SPECC1: variants seen among roughly 807,000 people sequenced by gnomAD.
SPECC1 encodes the protein sperm antigen with calponin homology and coiled-coil domains 1, also known as cytospin-B.
Under a neutral mutation model 104.1 loss-of-function variants are expected in SPECC1, and 62 were observed. The observed-to-expected ratio is 0.60, with a 90% CI of 0.49 to 0.74. The LOEUF (loss-of-function observed/expected upper bound fraction) is 0.74. Ranked by LOEUF, SPECC1 falls within the 30% of genes least tolerant of loss-of-function variation. The pLI, the probability that SPECC1 is intolerant of heterozygous loss-of-function variation, is 0.00. For synonymous variants in SPECC1, 513 were observed against 501.6 expected (o/e 1.02, Z -0.30); for missense variants, 1,306 against 1,310.5 (o/e 1.00, Z 0.05).
intron 2 of SPECC1, among the ~76,000 whole-genome samples, chr17:20,100,914 T>G (rs1423691358): frequency 2.6e-5 from 4 of 152,208 alleles, no homozygotes; most frequent in Non-Finnish European, 1.5e-5. Context: ...GAACATGCAG[T>G]GTCTGGTTTT....
intron 3 of SPECC1, among the ~76,000 whole-genome samples, chr17:20,177,709 T>G (rs1204533709): frequency 6.6e-6 from 1 of 152,208 alleles, no homozygotes; most frequent in Non-Finnish European, 1.5e-5. Flanking sequence ...GTATTTTATT[T>G]TATTTATTAT....
At chr17:20,173,145 C>T (rs150111398) in intron 3 of SPECC1, among the ~76,000 whole-genome samples, 249 of 152,230 alleles carry the variant, frequency 1.6e-3, no homozygotes, top group African/African-American at 5.6e-3. Flanking sequence ...GGAAAATTTC[C>T]AAATAAGGAT....
intron 3 of SPECC1, among the ~76,000 whole-genome samples, chr17:20,175,673 C>T (rs2034424114): frequency 6.6e-6 from 1 of 152,214 alleles, no homozygotes; most frequent in Non-Finnish European, 1.5e-5. Flanking sequence ...AATTGGTTGA[C>T]TTTCTGAAGG....
intron 13 of SPECC1, among the ~76,000 whole-genome samples, chr17:20,301,701 T>TTTG (rs1013474124): frequency 1.1e-4 from 17 of 151,994 alleles, no homozygotes; most frequent in Non-Finnish European, 2.1e-4. Flanking sequence ...ATTTTGTCAT[T>TTTG]TTGTTGTTGT....
chr17:20,236,327 ACT>A (rs2038908281), intron 7 of SPECC1, among the ~76,000 whole-genome samples: 1 of 151,576 alleles, frequency 6.6e-6, no homozygotes, highest in Non-Finnish European at 1.5e-5. Context: ...CTCACCTAGT[ACT>A]CTTTTTTTCA....
chr17:20,057,825 G>C (rs1597627027), intron 1 of SPECC1: 1 of 152,252 alleles, frequency 6.6e-6, no homozygotes, highest in East Asian at 1.9e-4. Context: ...ATGGTGAGTA[G>C]ATTCCTAATC....
At chr17:20,046,288 A>G (rs6587212) in intron 1 of SPECC1, among the ~76,000 whole-genome samples, 21,501 of 152,018 alleles carry the variant, frequency 0.14, 1,640 homozygotes, top group African/African-American at 0.19. Flanking sequence ...TTTTTACATT[A>G]TTAATTTTTT....
chr17:20,159,845 C>T (rs899052414), intron 3 of SPECC1, among the ~76,000 whole-genome samples: 5 of 152,138 alleles, frequency 3.3e-5, no homozygotes. Flanking sequence ...ACCTCATTGT[C>T]AGGGCTGCTG....
chr17:20,194,897 G>A (rs971296342), intron 3 of SPECC1, among the ~76,000 whole-genome samples: 6 of 152,098 alleles, frequency 3.9e-5, no homozygotes, highest in Non-Finnish European at 7.4e-5. Flanking sequence ...GAGAAATCAG[G>A]TAGAGAGAAA....
intron 1 of SPECC1, among the ~76,000 whole-genome samples, chr17:20,033,210 C>T (rs759164303): frequency 2.0e-5 from 3 of 151,932 alleles, no homozygotes; most frequent in Non-Finnish European, 2.9e-5. Context: ...GTGATCTGCC[C>T]GCCTCAGCAT....
intron 5 of SPECC1, among the ~76,000 whole-genome samples, chr17:20,229,462 C>T (rs959034640): frequency 6.6e-6 from 1 of 152,018 alleles, no homozygotes. Flanking sequence ...CCCAGGAGTT[C>T]GAGACCAGCC....
intron 3 of SPECC1, among the ~76,000 whole-genome samples, chr17:20,199,636 C>T (rs1289749868): frequency 6.6e-6 from 1 of 151,732 alleles, no homozygotes; most frequent in African/African-American, 2.4e-5. Context: ...AACTCCTAGT[C>T]TCTAGTGATC....
At chr17:20,199,112 A>G in intron 3 of SPECC1, among the ~76,000 whole-genome samples, 1 of 113,794 alleles carries the variant, frequency 8.8e-6, no homozygotes, top group Admixed American at 1.1e-4. Context: ...TTTGAAACAG[A>G]GTCTTACTCT....
At chr17:20,210,314 C>T (rs968727411) in intron 4 of SPECC1, among the ~76,000 whole-genome samples, 4 of 152,198 alleles carry the variant, frequency 2.6e-5, no homozygotes, top group African/African-American at 4.8e-5. Flanking sequence ...ACACTCCCTC[C>T]ACCCCGGCCC....
chr17:20,231,934 G>A (rs549775446), intron 6 of SPECC1, 103 bp downstream of exon 6: 52 of 1,214,364 alleles, frequency 4.3e-5, no homozygotes, highest in African/African-American at 1.5e-4. Flanking sequence ...ACGTTTCCAC[G>A]GCATGGTGGG....
At chr17:20,254,995 C>G (rs1488624101) in intron 10 of SPECC1, among the ~76,000 whole-genome samples, 1 of 152,102 alleles carries the variant, frequency 6.6e-6, no homozygotes, top group Non-Finnish European at 1.5e-5. Flanking sequence ...AGATTCAAGC[C>G]CTACAGAAAT....
chr17:20,212,674 C>A lies in SPECC1; in HGVS notation c.1863+6762C>A, dbSNP rs143401005. On this transcript the variant is annotated intron_variant, in intron 4 of 14. Coordinates refer to ENST00000395527, the MANE Select transcript of SPECC1 (RefSeq NM_001243439.2). Reference sequence around the variant, plus strand: ...GGGGAGGCAGCCAGTCTGTATCACTCATGGTAAATTTACTCAAGCTGTCAT... The same window carrying A: ...GGGGAGGCAGCCAGTCTGTATCACTAATGGTAAATTTACTCAAGCTGTCAT... Among the ~76,000 whole-genome samples the A allele has an allele frequency of 1.8e-4, 27 of 152,328 alleles. No homozygotes were observed. In the East Asian group the frequency reaches 5.2e-3, roughly 29 times the overall value.
Position 20,078,630 on chromosome 17 carries a change from A to G in SPECC1, c.-21-18001A>G, listed in dbSNP as rs145078365. ...TTTGTATGGCAAATTTATAAAATCT[A>G]TCAAAAGGTAAAATATGCATACCTT... On this transcript the variant is annotated intron_variant, in intron 1 of 14. Coordinates refer to ENST00000395527, the MANE Select transcript of SPECC1 (RefSeq NM_001243439.2). Among the ~76,000 whole-genome samples, 420 of 152,346 alleles carry G rather than the reference A, an allele frequency of 2.8e-3. 1 individual carries two copies. Among genetic ancestry groups the G allele is most frequent in the African/African-American group, 8.8e-3 (366 of 41,588 alleles).
chr17:20,167,920 T>G (rs1229295459), intron 3 of SPECC1, among the ~76,000 whole-genome samples: 1 of 152,220 alleles, frequency 6.6e-6, no homozygotes, highest in Non-Finnish European at 1.5e-5. Context: ...AATCTATGTC[T>G]GTTGCTTAGG....
Sources: allele counts gnomAD v4.1 joint callset (sites outside exome capture counted in the v4.1 genomes callset), GRCh38; gene constraint gnomAD v4.1.1; transcripts MANE v1.5; gene names NCBI Gene and HGNC (gene_info 2026-07-23, HGNC 2026-07-21).